Variants in NTRK3 observed in about 807,000 individuals in gnomAD.
The protein encoded by NTRK3 is neurotrophic receptor tyrosine kinase 3, also known as NT-3 growth factor receptor.
A neutral mutation model predicts 91.7 loss-of-function variants in NTRK3; 24 were observed. The observed-to-expected ratio is 0.26, with a 90% CI of 0.19 to 0.37. NTRK3 has a LOEUF of 0.37. Ranked by LOEUF, NTRK3 falls within the 10% of genes least tolerant of loss-of-function variation. The pLI is 1.00. For missense variants in NTRK3, 880 were observed against 1,068.9 expected (o/e 0.82, Z 2.46); for synonymous variants, 483 against 404.0 (o/e 1.20, Z -2.34).
chr15:88,112,779 A>G (rs1200135596), intron 13 of NTRK3, among the ~76,000 whole-genome samples: 1 of 152,166 alleles, frequency 6.6e-6, no homozygotes, highest in Non-Finnish European at 1.5e-5. Flanking sequence ...TTCTATAGCA[A>G]CAGCACTCTC....
At chr15:87,980,718 C>T (rs1188438882) in intron 14 of NTRK3, among the ~76,000 whole-genome samples, 1 of 152,176 alleles carries the variant, frequency 6.6e-6, no homozygotes, top group African/African-American at 2.4e-5. Context: ...CCAGGACATG[C>T]TATGGACAAA....
exon 2 of NTRK3, chr15:88,256,442 G>C: frequency 1.8e-6 from 1 of 542,388 alleles, no homozygotes. Flanking sequence ...CTGACTCGCC[G>C]GGTCCGGGGG....
At position 87,996,808 on chromosome 15, in the gene NTRK3, C is replaced by G. The variant is rs569409781; in HGVS notation, c.1585+36049G>C. ...GTATACTCTACTCAGTTTAGAGCCA[C>G]TTTAGACTTGCTAAGATCAGTGGAA... On this transcript the variant is annotated intron_variant, in intron 14 of 18. Transcript: ENST00000394480. Among the ~76,000 whole-genome samples the G allele has an allele frequency of 1.4e-4, 21 of 152,302 alleles. 1 individual carries two copies. Among genetic ancestry groups the G allele is most frequent in the Middle Eastern group, 6.8e-3 (2 of 294 alleles).
exon 19 of NTRK3, chr15:87,868,487 A>G (rs924340333): frequency 3.6e-5 from 8 of 219,322 alleles, no homozygotes; most frequent in Non-Finnish European, 3.7e-5. Context: ...AAAGGGAATT[A>G]GAATCAGTAA....
intron 14 of NTRK3, among the ~76,000 whole-genome samples, chr15:87,993,280 G>T (rs569868004): frequency 7.9e-5 from 12 of 152,262 alleles, no homozygotes; most frequent in Admixed American, 6.5e-5. Flanking sequence ...ACATTCCAGG[G>T]TGGTATCAAT....
intron 17 of NTRK3, among the ~76,000 whole-genome samples, chr15:87,918,875 A>G (rs1469245494): frequency 1.3e-5 from 2 of 152,196 alleles, no homozygotes; most frequent in Admixed American, 6.5e-5. Flanking sequence ...ATGAGAGGGA[A>G]GTGTTAACTA....
At chr15:88,136,023 G>T in exon 9 of NTRK3, 1 of 1,614,196 alleles carries the variant, frequency 6.2e-7, no homozygotes, top group South Asian at 1.1e-5. Context: ...CATGAACATT[G>T]GTCCAGTTCA....
intron 3 of NTRK3, among the ~76,000 whole-genome samples, chr15:88,230,332 T>C (rs1350540102): frequency 6.6e-6 from 1 of 152,232 alleles, no homozygotes; most frequent in South Asian, 2.1e-4. Flanking sequence ...AAAGTTCATA[T>C]ATGGAAACCT....
At chr15:87,981,091 C>T (rs2074219509) in intron 14 of NTRK3, 3 of 1,375,824 alleles carry the variant, frequency 2.2e-6, no homozygotes, top group African/African-American at 2.9e-5. Context: ...AGTACCAAAT[C>T]CCGTGCTGGG....
chr15:87,919,457 T>A (rs2067694024), intron 17 of NTRK3, among the ~76,000 whole-genome samples: 1 of 152,160 alleles, frequency 6.6e-6, no homozygotes, highest in Non-Finnish European at 1.5e-5. Flanking sequence ...ATTGCCGGAG[T>A]GTCCCAGGGT....
chr15:88,035,396 C>T (rs1474102517), intron 13 of NTRK3, among the ~76,000 whole-genome samples: 1 of 152,128 alleles, frequency 6.6e-6, no homozygotes, highest in Non-Finnish European at 1.5e-5. Flanking sequence ...GAAGCTCAGC[C>T]CCTTCTTCCT....
intron 13 of NTRK3, among the ~76,000 whole-genome samples, chr15:88,100,892 A>T (rs982447784): frequency 4.6e-5 from 7 of 152,248 alleles, no homozygotes; most frequent in African/African-American, 1.7e-4. Context: ...CTTAAATGTT[A>T]GACCTAAAAC....
intron 17 of NTRK3, among the ~76,000 whole-genome samples, chr15:87,890,392 AG>A (rs2065792806): frequency 6.6e-6 from 1 of 152,182 alleles, no homozygotes; most frequent in African/African-American, 2.4e-5. Context: ...ATAAATAAAA[AG>A]TTCCTTTCAT....
chr15:88,033,697 T>C (rs2078811091), intron 13 of NTRK3, among the ~76,000 whole-genome samples: 1 of 152,094 alleles, frequency 6.6e-6, no homozygotes, highest in African/African-American at 2.4e-5. Context: ...CTAAATTCTC[T>C]TTCTTGAGAA....
chr15:88,131,802 A>G (rs2041381045), intron 10 of NTRK3, among the ~76,000 whole-genome samples: 1 of 150,310 alleles, frequency 6.7e-6, no homozygotes, highest in Non-Finnish European at 1.5e-5. Flanking sequence ...TAAGCTTTGG[A>G]AGAAGGAGAC....
At chr15:87,918,813 G>A (rs1315849806) in intron 17 of NTRK3, among the ~76,000 whole-genome samples, 3 of 152,174 alleles carry the variant, frequency 2.0e-5, no homozygotes, top group African/African-American at 7.2e-5. Flanking sequence ...AACATGGACA[G>A]GGTTAGCAAA....
At chr15:88,182,270 C>T (rs1421901918) in intron 5 of NTRK3, among the ~76,000 whole-genome samples, 1 of 152,058 alleles carries the variant, frequency 6.6e-6, no homozygotes, top group Non-Finnish European at 1.5e-5. Flanking sequence ...CTTGGGAAAA[C>T]ACAAAGAGCC....
At chr15:88,081,066 G>T (rs138785908) in intron 13 of NTRK3, among the ~76,000 whole-genome samples, 99 of 152,344 alleles carry the variant, frequency 6.5e-4, no homozygotes, top group African/African-American at 2.3e-3. Context: ...ACAGAGCTGT[G>T]TATAGTTCAC....
rs374212030 is a variant in NTRK3 at position 88,101,913 on chromosome 15, G to A, written c.1396+24358C>T. Among the ~76,000 whole-genome samples the A allele has an allele frequency of 1.1e-4, 17 of 152,216 alleles. 1 individual carries two copies. Among genetic ancestry groups the A allele is most frequent in the African/African-American group, 3.9e-4 (16 of 41,536 alleles). ...GATAGCATTAGAAGATTTACCTAAT[G>A]CTAAATGACGAGTTAATGGGTGCAG... On this transcript the variant is annotated intron_variant, in intron 13 of 18. Transcript: ENST00000394480.
Sources: allele counts gnomAD v4.1 joint callset (sites outside exome capture counted in the v4.1 genomes callset), GRCh38; gene constraint gnomAD v4.1.1; transcripts MANE v1.5; gene names NCBI Gene and HGNC (gene_info 2026-07-23, HGNC 2026-07-21).